INSYN2B: variants seen among roughly 807,000 people sequenced by gnomAD.
The protein encoded by INSYN2B is protein INSYN2B.
INSYN2B carries 16 observed loss-of-function variants against 41.2 expected under a neutral mutation model. The ratio of observed to expected loss-of-function variants is 0.39; its 90% CI spans 0.26 to 0.59. The LOEUF is 0.59. Among genes scored for constraint, INSYN2B ranks in the 20% least tolerant of loss-of-function variants. The probability of loss-of-function intolerance (pLI) is 0.57; values close to 1 mark genes in which losing one functional copy is unlikely to be tolerated. For synonymous variants in INSYN2B, 245 were observed against 244.4 expected (o/e 1.00, Z -0.02); for missense variants, 608 against 646.4 (o/e 0.94, Z 0.64).
intron 1 of INSYN2B, among the ~76,000 whole-genome samples, chr5:169,937,311 A>G (rs1234423340): frequency 6.6e-6 from 1 of 152,200 alleles, no homozygotes; most frequent in Non-Finnish European, 1.5e-5. Context: ...AAGTTTGCCA[A>G]CCCGTAGACT....
At chr5:169,894,635 C>T (rs970765187) in intron 1 of INSYN2B, among the ~76,000 whole-genome samples, 1 of 152,152 alleles carries the variant, frequency 6.6e-6, no homozygotes, top group Admixed American at 6.5e-5. Context: ...TTTGCAAAAG[C>T]GCATGACTGC....
At chr5:169,934,661 G>C (rs1775904536) in intron 1 of INSYN2B, 2 of 456,164 alleles carry the variant, frequency 4.4e-6, no homozygotes, top group Non-Finnish European at 8.8e-6. Context: ...GGATGCAGCT[G>C]ATGATAGGAC....
In INSYN2B at chr5:169,883,764, A is replaced by C. The variant is rs1053441269; in HGVS notation, c.135T>G (p.Thr45=). ...QQVRFKEDGT[T]KNPTGLAEVD... is the part of the protein sequence containing the mutation. ...CCTCAGCTAGGCCAGTTGGATTCTT[A>C]GTGGTCCCATCTTCCTTGAATCTCA... Residue 45 remains threonine (T), a synonymous_variant, in exon 2 of 4, where the codon ACT becomes ACG. Coordinates refer to ENST00000377365, the MANE Select transcript of INSYN2B (RefSeq NM_001129891.3). The C allele has an allele frequency of 9.7e-6, 15 of 1,551,640 alleles. No individual in the cohort carries two copies. The highest frequency in any genetic ancestry group is 1.7e-6 in the Non-Finnish European group (2 of 1,146,938).
chr5:169,959,063 T>C (rs1776975352), intron 1 of INSYN2B, among the ~76,000 whole-genome samples: 1 of 152,114 alleles, frequency 6.6e-6, no homozygotes, highest in Non-Finnish European at 1.5e-5. Flanking sequence ...GTAGGTAGCA[T>C]TGCAGAATAT....
intron 1 of INSYN2B, among the ~76,000 whole-genome samples, chr5:169,909,821 G>A (rs1774495101): frequency 1.3e-5 from 2 of 152,138 alleles, no homozygotes; most frequent in Non-Finnish European, 1.5e-5. Context: ...TTCTAGAATG[G>A]TCTGAGTAGA....
chr5:169,883,310 T>C lies in INSYN2B; in HGVS notation c.589A>G (p.Lys197Glu). The part of the protein sequence containing the change: ...LEAGTWRSLE[K>E]ATAAIQVPDD... ...GGAACCTGAATGGCAGCTGTGGCTT[T>C]CTCTAAGGACCTCCAAGTTCCTGCT... The change falls in exon 2 of 4, where the codon AAA becomes GAA. Residue 197 changes from lysine to glutamate, a missense_variant. Lys to Glu is a moderately conservative substitution (Grantham distance 56, BLOSUM62 1). Transcript: ENST00000377365. 6.4e-7 allele frequency: 1 copy of C among 1,551,590 alleles called. No individual in the cohort carries two copies. The highest frequency in any genetic ancestry group is 8.7e-7 in the Non-Finnish European group (1 of 1,146,908).
At position 169,927,585 on chromosome 5, in the gene INSYN2B, A is replaced by G. The variant is rs1001981066; in HGVS notation, c.-918-42769T>C. ...GAATCAAAGATAATTCTAAAGGTAC[A>G]GTCCTGTGTGATCAGGAGGTAAAAC... On this transcript the variant is annotated intron_variant, in intron 1 of 3. Coordinates refer to ENST00000377365, the MANE Select transcript of INSYN2B (RefSeq NM_001129891.3). 7.2e-5 allele frequency among the ~76,000 whole-genome samples: 11 copies of G among 152,240 alleles called. 1 individual carries two copies. Among genetic ancestry groups the G allele is most frequent in the African/African-American group, 9.6e-5 (4 of 41,458 alleles).
At chr5:169,879,627 T>C (rs1237231986) in intron 3 of INSYN2B, among the ~76,000 whole-genome samples, 2 of 152,210 alleles carry the variant, frequency 1.3e-5, no homozygotes, top group Admixed American at 6.5e-5. Context: ...TTGCTGGAGA[T>C]GTTTGAATTA....
chr5:169,875,185 T>TA (rs11390591), intron 3 of INSYN2B: 35,254 of 455,882 alleles, frequency 0.077, 1,624 homozygotes, highest in African/African-American at 0.14. Context: ...ATTTTTTACC[T>TA]AAAAAAATCC....
intron 3 of INSYN2B, among the ~76,000 whole-genome samples, chr5:169,869,039 G>C (rs1771773661): frequency 6.6e-6 from 1 of 152,284 alleles, no homozygotes; most frequent in East Asian, 1.9e-4. Flanking sequence ...TCGCTGGGTG[G>C]CTGTGCAGAT....
At chr5:169,896,802 A>G (rs1773637388) in intron 1 of INSYN2B, among the ~76,000 whole-genome samples, 1 of 152,210 alleles carries the variant, frequency 6.6e-6, no homozygotes. Flanking sequence ...GAGTCGATTG[A>G]TAATGTAGAA....
chr5:169,908,738 C>T (rs1383529588), intron 1 of INSYN2B, among the ~76,000 whole-genome samples: 1 of 130,400 alleles, frequency 7.7e-6, no homozygotes, highest in Non-Finnish European at 1.6e-5. Flanking sequence ...TTTTTGAGAC[C>T]GAGTCTCACT....
intron 1 of INSYN2B, among the ~76,000 whole-genome samples, chr5:169,941,196 T>C (rs1241724977): frequency 6.6e-6 from 1 of 152,118 alleles, no homozygotes; most frequent in Non-Finnish European, 1.5e-5. Flanking sequence ...GCTTTTTAAA[T>C]TTATTTATTT....
At chr5:169,904,110 A>AAAT (rs1774132717) in intron 1 of INSYN2B, among the ~76,000 whole-genome samples, 1 of 151,550 alleles carries the variant, frequency 6.6e-6, no homozygotes, top group African/African-American at 2.4e-5. Context: ...AAAAAAAAAA[A>AAAT]AAGTTTAGGG....
In INSYN2B at chr5:169,961,935, T is replaced by C. The variant is rs369475936; in HGVS notation, c.-919+18342A>G. On this transcript the variant is annotated intron_variant, in intron 1 of 3. Transcript: ENST00000377365. ...CGGAGGTTGCAGTGAGCCGAGATCGTGCCACTGCACTCCAGCCTGGGTGAA... is the reference window on the plus strand; with the variant it reads ...CGGAGGTTGCAGTGAGCCGAGATCGCGCCACTGCACTCCAGCCTGGGTGAA... Among the ~76,000 whole-genome samples, 260 of 125,566 alleles carry C rather than the reference T, an allele frequency of 2.1e-3. 4 individuals carry two copies. In the South Asian group the frequency reaches 0.057, roughly 28 times the overall value. The allele number at this position is 125,566 out of a possible 152,430, so 82.4% of individuals were successfully genotyped here. A position where few individuals can be genotyped will look rare whatever the true frequency, so the allele number is the denominator to read the frequency against.
chr5:169,965,804 A>G (rs533400867), intron 1 of INSYN2B, among the ~76,000 whole-genome samples: 95 of 152,324 alleles, frequency 6.2e-4, no homozygotes, highest in African/African-American at 2.2e-3. Context: ...AGGCCTATAG[A>G]GGTTAAAATA....
chr5:169,939,999 A>T (rs1776169774), intron 1 of INSYN2B, among the ~76,000 whole-genome samples: 1 of 152,202 alleles, frequency 6.6e-6, no homozygotes, highest in Non-Finnish European at 1.5e-5. Context: ...CATCTTTCAG[A>T]TCTTACCTCC....
chr5:169,956,388 G>C (rs983426282), intron 1 of INSYN2B, among the ~76,000 whole-genome samples: 2 of 152,180 alleles, frequency 1.3e-5, no homozygotes, highest in Non-Finnish European at 2.9e-5. Flanking sequence ...TCTCATGGGG[G>C]TCTTAAATTC....
In INSYN2B at chr5:169,882,560, T is replaced by A; in HGVS notation, c.1339A>T (p.Thr447Ser). Reference sequence around the variant, plus strand: ...AAAAAAAAATCTCCTTACCCTTCAGTGAGAGCTCGAGCTTTCTCCAAGTCT... The same window carrying A: ...AAAAAAAAATCTCCTTACCCTTCAGAGAGAGCTCGAGCTTTCTCCAAGTCT... ...IQDLEKARAL[T>S]EGRNFYRTGQ... The change falls in exon 2 of 4, where the codon ACT becomes TCT. Residue 447 changes from threonine to serine, a missense_variant. Transcript: ENST00000377365. 1 of 1,544,746 alleles carries A rather than the reference T, an allele frequency of 6.5e-7. No individual in the cohort carries two copies. The highest frequency in any genetic ancestry group is 1.2e-5 in the South Asian group (1 of 83,956).
Sources: gnomAD v4.1 joint callset for allele counts (sites outside exome capture counted in the v4.1 genomes callset) on GRCh38, gnomAD v4.1.1 for gene constraint, MANE v1.5 for transcripts, NCBI Gene and HGNC (gene_info 2026-07-23, HGNC 2026-07-21) for gene names.